The following LDLRAP1 variants were observed in gnomAD, a reference collection of about 807,000 sequenced individuals.
LDLRAP1 encodes low density lipoprotein receptor adapter protein 1.
LDLRAP1 carries 30 observed loss-of-function variants against 37.8 expected under a neutral mutation model. The observed-to-expected ratio is 0.79, with a 90% CI of 0.59 to 1.08. The LOEUF (loss-of-function observed/expected upper bound fraction) is 1.08. Ranked by LOEUF, LDLRAP1 falls within the 50% of genes least tolerant of loss-of-function variation. The pLI is 0.00. For synonymous variants in LDLRAP1, 156 were observed against 169.8 expected (o/e 0.92, Z 0.63); for missense variants, 375 against 401.6 (o/e 0.93, Z 0.57).
At chr1:25,562,050 G>A (rs1218048849) in intron 4 of LDLRAP1, among the ~76,000 whole-genome samples, 5 of 152,124 alleles carry the variant, frequency 3.3e-5, no homozygotes, top group East Asian at 3.9e-4. Flanking sequence ...AGCACTGACC[G>A]GTTTTGGTCC....
intron 1 of LDLRAP1, among the ~76,000 whole-genome samples, chr1:25,549,729 G>A (rs1381860407): frequency 6.7e-6 from 1 of 149,470 alleles, no homozygotes; most frequent in Non-Finnish European, 1.5e-5. Flanking sequence ...TAAGGCCTCC[G>A]GCTGTGGCTG....
intron 4 of LDLRAP1, chr1:25,557,468 G>A (rs2044233805): frequency 1.7e-6 from 1 of 601,500 alleles, no homozygotes; most frequent in Non-Finnish European, 3.0e-6. Context: ...TGAACCGCCG[G>A]TCAGCTTTGT....
At chr1:25,582,025 A>G in the LDLRAP1 span, among the ~76,000 whole-genome samples, 6 of 152,308 alleles carry the variant, frequency 3.9e-5, no homozygotes, top group South Asian at 1.2e-3. Flanking sequence ...AGCCCCACCC[A>G]GCGCAGGCCT....
chr1:25,567,346 GACCAAAGCATT>G lies in LDLRAP1; in HGVS notation c.*355_*365del. ...CCCTGGCTGTGGGTATCAGGACTGT[GACCAAAGCATT>G]TCTAGTCCCTTCTCTCTTTCTAAGG... On this transcript the variant is annotated 3_prime_UTR_variant, in exon 9 of 9. Coordinates refer to ENST00000374338, the MANE Select transcript of LDLRAP1 (RefSeq NM_015627.3). The G allele has an allele frequency of 2.7e-6, 1 of 373,070 alleles. No individual in the cohort carries two copies. The highest frequency in any genetic ancestry group is 5.1e-6 in the Non-Finnish European group (1 of 194,984). 23.1% of individuals were successfully genotyped at this position (373,070 alleles called of 1,614,324 possible).
chr1:25,563,188 G>T, intron 6 of LDLRAP1, 35 bp downstream of exon 6: 1 of 1,587,964 alleles, frequency 6.3e-7, no homozygotes, highest in Non-Finnish European at 8.6e-7. Flanking sequence ...TTGGCCATGC[G>T]GTGTTGGGGT....
chr1:25,549,041 C>T (rs551301880), intron 1 of LDLRAP1, among the ~76,000 whole-genome samples: 2 of 152,360 alleles, frequency 1.3e-5, no homozygotes, highest in South Asian at 2.1e-4. Flanking sequence ...TTTTCTCTTA[C>T]TGTGTAAGTA....
intron 1 of LDLRAP1, among the ~76,000 whole-genome samples, chr1:25,549,354 C>A (rs1046887493): frequency 1.3e-5 from 2 of 152,192 alleles, no homozygotes; most frequent in Non-Finnish European, 2.9e-5. Flanking sequence ...TGGAGGCTCC[C>A]CTGGCCCCTG....
intron 4 of LDLRAP1, among the ~76,000 whole-genome samples, chr1:25,559,222 A>T (rs2044284704): frequency 6.6e-6 from 1 of 151,882 alleles, no homozygotes; most frequent in Non-Finnish European, 1.5e-5. Context: ...CCCATTGTTC[A>T]TCTCTTCCTG....
the LDLRAP1 span, among the ~76,000 whole-genome samples, chr1:25,582,786 A>T: frequency 1.3e-5 from 2 of 151,960 alleles, no homozygotes; most frequent in Non-Finnish European, 2.9e-5. Context: ...TAAAGTATAC[A>T]ATGAGCCGGG....
Position 25,544,196 on chromosome 1 carries a change from C to G in LDLRAP1, c.88+410C>G, listed in dbSNP as rs960910413. 9.9e-5 allele frequency among the ~76,000 whole-genome samples: 15 copies of G among 152,084 alleles called. No individual in the cohort carries two copies. The highest frequency in any genetic ancestry group is 3.6e-4 in the African/African-American group (15 of 41,428). ...GGGCGCAGGGGCTTGGGAAGACGCC[C>G]CCGTCCCGCACCCCTGCGCCCCAGC... On this transcript the variant is annotated intron_variant, in intron 1 of 8. Transcript: ENST00000374338. This position sits in a 1 kb window ranked among gnomAD's most constrained non-coding sequence, Gnocchi z 4.8.
At chr1:25,547,356 G>A (rs1350870873) in intron 1 of LDLRAP1, among the ~76,000 whole-genome samples, 1 of 151,974 alleles carries the variant, frequency 6.6e-6, no homozygotes, top group Non-Finnish European at 1.5e-5. Flanking sequence ...GGTGGTGCAG[G>A]CCTGTAATCC....
At chr1:25,580,373 A>G in the LDLRAP1 span, among the ~76,000 whole-genome samples, 1 of 152,192 alleles carries the variant, frequency 6.6e-6, no homozygotes, top group Non-Finnish European at 1.5e-5. Flanking sequence ...GAATGTCTCT[A>G]AAACAAAAAA....
In LDLRAP1 at chr1:25,555,407, A is replaced by G. The variant is rs565493397; in HGVS notation, c.344+435A>G. 6.6e-6 allele frequency among the ~76,000 whole-genome samples: 1 copy of G among 152,262 alleles called. No individual in the cohort carries two copies. Among genetic ancestry groups the G allele is most frequent in the Non-Finnish European group, 1.5e-5 (1 of 68,030 alleles). On this transcript the variant is annotated intron_variant, in intron 3 of 8. Transcript: ENST00000374338. This position sits in a 1 kb window ranked among gnomAD's most constrained non-coding sequence, Gnocchi z 4.7. ...CAGCCAAGGTCTGAAGTCAGAGTAT[A>G]GATGGTCTCTCTAGTGGGTCCTCTG...
At chr1:25,564,918 C>A in intron 7 of LDLRAP1, 1 of 528,070 alleles carries the variant, frequency 1.9e-6, no homozygotes, top group Non-Finnish European at 3.4e-6. Flanking sequence ...TGGACCAGGG[C>A]ACTGAACCCA....
chr1:25,582,569 G>A, the LDLRAP1 span, among the ~76,000 whole-genome samples: 96 of 145,272 alleles, frequency 6.6e-4, 1 homozygote, highest in Non-Finnish European at 1.1e-3. Context: ...TGGCGACAGA[G>A]CGAGACCCCA....
chr1:25,543,903 G>T (rs2043865604), intron 1 of LDLRAP1, 117 bp downstream of exon 1: 1 of 574,650 alleles, frequency 1.7e-6, no homozygotes, highest in Non-Finnish European at 2.5e-6. Context: ...CGGCGCTCCG[G>T]TCCCGGCGTG....
At chr1:25,559,012 C>T (rs781462694) in intron 4 of LDLRAP1, among the ~76,000 whole-genome samples, 1 of 152,168 alleles carries the variant, frequency 6.6e-6, no homozygotes, top group Non-Finnish European at 1.5e-5. Flanking sequence ...CCTCAGTGAC[C>T]TCCAGGGTTG....
chr1:25,563,811 G>A lies in LDLRAP1; in HGVS notation c.747+20G>A. The A allele has an allele frequency of 6.2e-7, 1 of 1,613,200 alleles. No homozygotes were observed. Among genetic ancestry groups the A allele is most frequent in the Non-Finnish European group, 8.5e-7 (1 of 1,179,988 alleles). On this transcript the variant is annotated intron_variant, in intron 7 of 8. Coordinates refer to ENST00000374338, the MANE Select transcript of LDLRAP1 (RefSeq NM_015627.3). ...GTCTGGGTGAGTGGTTGTGTGGCCA[G>A]CAGATCGGTGATCCTCAGCCTGACC... is the stretch of plus-strand genomic sequence containing the variant.
downstream of LDLRAP1, among the ~76,000 whole-genome samples, chr1:25,571,066 C>CT (rs1349974275): frequency 1.3e-5 from 2 of 152,204 alleles, no homozygotes; most frequent in Non-Finnish European, 2.9e-5. Context: ...ACCCTGCTCT[C>CT]TGACCCCAGC....
Sources: gnomAD v4.1 joint callset for allele counts (sites outside exome capture counted in the v4.1 genomes callset) on GRCh38, gnomAD v4.1.1 for gene constraint, Gnocchi (gnomAD v3.1) non-coding constraint, MANE v1.5 for transcripts, NCBI Gene and HGNC (gene_info 2026-07-23, HGNC 2026-07-21) for gene names.